MX2: variants seen among roughly 807,000 people sequenced by gnomAD.
The protein encoded by MX2 is interferon-induced GTP-binding protein Mx2.
MX2 carries 51 observed loss-of-function variants against 74.0 expected under a neutral mutation model. The observed-to-expected ratio is 0.69, with a 90% CI of 0.55 to 0.87. The LOEUF is 0.87. Among genes scored for constraint, MX2 ranks in the 40% least tolerant of loss-of-function variants. The pLI is 0.00. For synonymous variants in MX2, 369 were observed against 339.3 expected (o/e 1.09, Z -0.96); for missense variants, 832 against 908.7 (o/e 0.92, Z 1.09).
intron 6 of MX2, among the ~76,000 whole-genome samples, chr21:41,393,769 G>A (rs960112667): frequency 3.9e-5 from 6 of 152,066 alleles, no homozygotes; most frequent in African/African-American, 9.7e-5. Flanking sequence ...GGACAACTCC[G>A]TTTGGCTGTC....
intron 5 of MX2, among the ~76,000 whole-genome samples, chr21:41,389,023 T>C (rs1859730943): frequency 6.6e-6 from 1 of 152,134 alleles, no homozygotes; most frequent in Admixed American, 6.5e-5. Flanking sequence ...TGGAGAACCC[T>C]GGGCTGTGTG....
rs567367133 is a variant in MX2, at chr21:41,382,660, T to G, written c.732+96T>G. 1.7e-4 allele frequency: 251 copies of G among 1,488,474 alleles called. 2 individuals are homozygous for G. The South Asian group carries it at 2.9e-3, about 17-fold the overall frequency. 92.2% of individuals were successfully genotyped at this position (1,488,474 alleles called of 1,614,324 possible). ...GGTGTACCTCCTGGAGCCTTTACAC[T>G]GAGGGATGAGGATGGAGTCTCAGGT... On this transcript the variant is annotated intron_variant, in intron 5 of 13. Coordinates refer to ENST00000330714, the MANE Select transcript of MX2 (RefSeq NM_002463.2).
Position 41,403,331 on chromosome 21 carries a change from C to G in MX2, c.1638C>G (p.Asn546Lys). Residue 546 changes from asparagine (N) to lysine (K), a missense_variant, in exon 12 of 14, where the codon AAC becomes AAG. Physicochemically the swap from Asn to Lys is moderately conservative, Grantham distance 94. Transcript: ENST00000330714. ...ATTTTGGCGAATTTTTCAACCTTAA[C>G]CAAACTGTTCAGGTAAGCACCCAGA... is the stretch of plus-strand genomic sequence containing the variant. ...KKHFGEFFNL[N>K]QTVQSTIEDI... The G allele has an allele frequency of 1.2e-6, 2 of 1,613,310 alleles. No individual in the cohort carries two copies. Among genetic ancestry groups the G allele is most frequent in the Non-Finnish European group, 1.7e-6 (2 of 1,179,416 alleles).
intron 1 of MX2, among the ~76,000 whole-genome samples, chr21:41,367,480 A>G (rs2089277388): frequency 6.6e-6 from 1 of 152,182 alleles, no homozygotes; most frequent in Non-Finnish European, 1.5e-5. Flanking sequence ...CTGATGCAGA[A>G]CCCGGCAATG....
chr21:41,394,129 A>T (rs1251586099), intron 6 of MX2, among the ~76,000 whole-genome samples: 1 of 151,928 alleles, frequency 6.6e-6, no homozygotes, highest in Non-Finnish European at 1.5e-5. Flanking sequence ...TGCCCTCTCC[A>T]CTGGCCTCCA....
At chr21:41,392,426 T>G (rs2089672511) in intron 6 of MX2, among the ~76,000 whole-genome samples, 1 of 152,162 alleles carries the variant, frequency 6.6e-6, no homozygotes, top group Admixed American at 6.5e-5. Flanking sequence ...GGACTAACAC[T>G]GGGTGATTCT....
rs138723546 is a variant in MX2, at chr21:41,377,077, T to G, written c.171T>G (p.Ala57=). 166 of 1,614,216 alleles carry G rather than the reference T, an allele frequency of 1.0e-4. No homozygotes were observed. In the African/African-American group the frequency reaches 2.1e-3, roughly 20 times the overall value. ...GGCAGGGGGCAGAGAAGGACGCTGC[T>G]TTCCTCGCCAAGGACTTCAACTTTC... is the stretch of plus-strand genomic sequence containing the variant. ...PNWQGAEKDA[A]FLAKDFNFLT... Residue 57 remains alanine, a synonymous_variant, in exon 2 of 14, where the codon GCT becomes GCG. Transcript: ENST00000330714.
rs1385934590 is a variant in MX2, at chr21:41,382,517, A to T, written c.685A>T (p.Ile229Phe). 1 of 1,614,230 alleles carries T rather than the reference A, an allele frequency of 6.2e-7. No individual in the cohort carries two copies. The change falls in exon 5 of 14, where the codon ATC becomes TTC. Residue 229 changes from isoleucine (I) to phenylalanine (F), a missense_variant. Ile to Phe is a conservative substitution (Grantham distance 21, BLOSUM62 0). Transcript: ENST00000330714. ...CCTGACCATCATTGACCTTCCCGGC[A>T]TCACCAGGGTGGCTGTGGACAACCA... ...PDLTIIDLPGITRVAVDNQPR... is the reference protein window; with the variant it reads ...PDLTIIDLPGFTRVAVDNQPR...
At position 41,377,869 on chromosome 21, in the gene MX2, G is replaced by T. The variant is rs551213457; in HGVS notation, c.330G>T (p.Leu110=). Reference sequence around the variant, plus strand: ...ACCTCATCGACTCCCTGCGGGCTCTGGGTGTGGAGCAGGACCTGGCCCTGC... The same window carrying T: ...ACCTCATCGACTCCCTGCGGGCTCTTGGTGTGGAGCAGGACCTGGCCCTGC... ...CIDLIDSLRA[L]GVEQDLALPA... Residue 110 remains leucine (L), a synonymous_variant, in exon 3 of 14, where the codon CTG becomes CTT. Transcript: ENST00000330714. The T allele has an allele frequency of 3.3e-5, 53 of 1,614,236 alleles. No individual in the cohort carries two copies. The South Asian group carries it at 5.6e-4, about 17-fold the overall frequency.
chr21:41,389,526 GTACATACATACA>G (rs750550802), intron 5 of MX2: 1 of 151,888 alleles, frequency 6.6e-6, no homozygotes, highest in African/African-American at 2.4e-5. Flanking sequence ...GTCTCAGTAA[GTACATACATACA>G]TACATACATA....
At chr21:41,382,094 C>A (rs1398973090) in intron 4 of MX2, among the ~76,000 whole-genome samples, 1 of 152,214 alleles carries the variant, frequency 6.6e-6, no homozygotes, top group Non-Finnish European at 1.5e-5. Context: ...TATTTTAAAA[C>A]CACCACAGCA....
chr21:41,382,520 A>G lies in MX2; in HGVS notation c.688A>G (p.Thr230Ala), dbSNP rs748968514. ...DLTIIDLPGI[T>A]RVAVDNQPRD... ...GACCATCATTGACCTTCCCGGCATC[A>G]CCAGGGTGGCTGTGGACAACCAGCC... Residue 230 changes from threonine (T) to alanine (A), a missense_variant, in exon 5 of 14, where the codon ACC becomes GCC. Transcript: ENST00000330714. 3 of 1,614,206 alleles carry G rather than the reference A, an allele frequency of 1.9e-6. No individual in the cohort carries two copies. Among genetic ancestry groups the G allele is most frequent in the Non-Finnish European group, 2.5e-6 (3 of 1,180,048 alleles).
At chr21:41,373,651 C>T (rs364525) in intron 1 of MX2, among the ~76,000 whole-genome samples, 74,687 of 151,882 alleles carry the variant, frequency 0.49, 21,843 homozygotes, top group East Asian at 0.8. Flanking sequence ...AGAATCCAGT[C>T]GGCTCTCACC....
In MX2 at chr21:41,388,572, C is replaced by A. The variant is rs1367545679; in HGVS notation, c.733-1993C>A. On this transcript the variant is annotated intron_variant, in intron 5 of 13. Transcript: ENST00000330714. This position sits in a 1 kb window ranked among gnomAD's most constrained non-coding sequence, Gnocchi z 4.0. ...CTCCATTGTGTTTATTGCCTGTCTCCCCTCCTGGGCTGTAAGGCTCTGGGG... is the reference window on the plus strand; with the variant it reads ...CTCCATTGTGTTTATTGCCTGTCTCACCTCCTGGGCTGTAAGGCTCTGGGG... 6.6e-6 allele frequency among the ~76,000 whole-genome samples: 1 copy of A among 152,202 alleles called. No individual in the cohort carries two copies. The highest frequency in any genetic ancestry group is 2.4e-5 in the African/African-American group (1 of 41,446).
At chr21:41,400,605 A>G (rs464530) in intron 10 of MX2, among the ~76,000 whole-genome samples, 137,094 of 152,078 alleles carry the variant, frequency 0.9, 61,890 homozygotes, top group East Asian at 0.97. Context: ...GGCTAGGGAG[A>G]CCTCAGAAAA....
chr21:41,399,986 CA>C (rs1023950597), intron 10 of MX2, among the ~76,000 whole-genome samples: 1 of 152,226 alleles, frequency 6.6e-6, no homozygotes, highest in Non-Finnish European at 1.5e-5. Context: ...GTGCCCAAAG[CA>C]GGGGTCCAGA....
intron 6 of MX2, 77 bp downstream of exon 6, chr21:41,390,780 C>T (rs1027922612): frequency 5.6e-5 from 84 of 1,508,246 alleles, no homozygotes; most frequent in Middle Eastern, 2.1e-4. Flanking sequence ...CCAAGACGGG[C>T]GGATCACGAG....
chr21:41,379,108 G>A (rs1034980425), intron 3 of MX2, among the ~76,000 whole-genome samples: 1 of 152,220 alleles, frequency 6.6e-6, no homozygotes, highest in Non-Finnish European at 1.5e-5. Flanking sequence ...CCTTTACCCA[G>A]CGTGTCCCGT....
At chr21:41,364,990 G>C (rs187863923) in intron 1 of MX2, 22 of 152,222 alleles carry the variant, frequency 1.4e-4, no homozygotes, top group African/African-American at 4.3e-4. Context: ...ACACACCCAG[G>C]ATCAGTACTT....
Sources: allele counts gnomAD v4.1 joint callset (sites outside exome capture counted in the v4.1 genomes callset), GRCh38; gene constraint gnomAD v4.1.1; non-coding constraint Gnocchi (gnomAD v3.1); transcripts MANE v1.5; gene names NCBI Gene and HGNC (gene_info 2026-07-23, HGNC 2026-07-21).